Variants in ST3GAL1 observed in about 807,000 individuals in gnomAD.
ST3GAL1 encodes ST3 beta-galactoside alpha-2,3-sialyltransferase 1.
In ST3GAL1, 16 loss-of-function variants were observed where a neutral mutation model predicts 34.1. The ratio of observed to expected loss-of-function variants is 0.47; its 90% CI spans 0.32 to 0.71. ST3GAL1 has a LOEUF of 0.71. Among genes scored for constraint, ST3GAL1 ranks in the 30% least tolerant of loss-of-function variants. The probability of loss-of-function intolerance (pLI) is 0.04; values close to 1 mark genes in which losing one functional copy is unlikely to be tolerated. For missense variants in ST3GAL1, 353 were observed against 447.4 expected, an observed-to-expected ratio of 0.79 and a Z score of 1.90; for synonymous variants, 191 against 184.7, an observed-to-expected ratio of 1.03 and a Z score of -0.28.
rs555121167 is a variant in ST3GAL1, at chr8:133,490,392, C to T, written c.-374+8743G>A. On this transcript the variant is annotated intron_variant, in intron 3 of 9. Coordinates refer to ENST00000522652, the MANE Select transcript of ST3GAL1 (RefSeq NM_173344.3). Reference sequence around the variant, plus strand: ...CATGCGTATCTTCACTGCTAGATAGCGAAGCCGCACACTAGGCCGGCTCCA... The same window carrying T: ...CATGCGTATCTTCACTGCTAGATAGTGAAGCCGCACACTAGGCCGGCTCCA... Among the ~76,000 whole-genome samples, 11 of 152,308 alleles carry T rather than the reference C, an allele frequency of 7.2e-5. No individual in the cohort carries two copies. In the East Asian group the frequency reaches 7.7e-4, roughly 11 times the overall value.
At chr8:133,460,616 G>T (rs141047100) in intron 9 of ST3GAL1, among the ~76,000 whole-genome samples, 178 of 152,370 alleles carry the variant, frequency 1.2e-3, no homozygotes, top group Middle Eastern at 3.4e-3. Context: ...TCAGATGCCA[G>T]CTGGGCAGCT....
chr8:133,524,340 C>T (rs983506833), intron 2 of ST3GAL1, among the ~76,000 whole-genome samples: 5 of 152,320 alleles, frequency 3.3e-5, no homozygotes, highest in Non-Finnish European at 5.9e-5. Flanking sequence ...AGGCATTGTC[C>T]CCTAGAGACA....
At chr8:133,555,962 C>T (rs561040080) in intron 1 of ST3GAL1, among the ~76,000 whole-genome samples, 28 of 152,234 alleles carry the variant, frequency 1.8e-4, no homozygotes, top group Middle Eastern at 6.8e-3. Context: ...GGCACGGTCT[C>T]GGCTCACTGC....
At chr8:133,503,687 G>A (rs368290234) in intron 2 of ST3GAL1, among the ~76,000 whole-genome samples, 2 of 152,086 alleles carry the variant, frequency 1.3e-5, no homozygotes, top group Admixed American at 6.6e-5. Context: ...AGGCCTTATC[G>A]TTAACAAGGA....
rs143465666 is a variant in ST3GAL1 at position 133,472,855 on chromosome 8, GAA to G, written c.306+2862_306+2863del. ...AATATATTCAGCCTTAATTAGTACTGAAAAAAAAAAAAAACCCACCTAAGTTC... is the reference window on the plus strand; with the variant it reads ...AATATATTCAGCCTTAATTAGTACTGAAAAAAAAAAAACCCACCTAAGTTC... On this transcript the variant is annotated intron_variant, in intron 5 of 9. Coordinates refer to ENST00000522652, the MANE Select transcript of ST3GAL1 (RefSeq NM_173344.3). Among the ~76,000 whole-genome samples, 883 of 119,814 alleles carry G rather than the reference GAA, an allele frequency of 7.4e-3. 10 individuals are homozygous for G. Among genetic ancestry groups the G allele is most frequent in the African/African-American group, 0.025 (841 of 33,332 alleles). The allele number at this position is 119,814 out of a possible 152,430, so 78.6% of individuals were successfully genotyped here.
chr8:133,560,849 T>C (rs1819200142), intron 1 of ST3GAL1, among the ~76,000 whole-genome samples: 1 of 152,186 alleles, frequency 6.6e-6, no homozygotes, highest in Admixed American at 6.5e-5. Flanking sequence ...CTCTGAACCT[T>C]GGTTTCCACA....
At chr8:133,564,859 ACCT>A (rs1403213194) in intron 1 of ST3GAL1, among the ~76,000 whole-genome samples, 1 of 152,134 alleles carries the variant, frequency 6.6e-6, no homozygotes. Context: ...TAAGTAATAA[ACCT>A]CCAATTGAAA....
chr8:133,521,772 G>A (rs1162926475), intron 2 of ST3GAL1, among the ~76,000 whole-genome samples: 2 of 152,188 alleles, frequency 1.3e-5, no homozygotes, highest in Non-Finnish European at 2.9e-5. Context: ...CTACTACACT[G>A]TTAAATTGGA....
At position 133,570,645 on chromosome 8, in the gene ST3GAL1, G is replaced by A. The variant is rs1186245593; in HGVS notation, c.-582+1048C>T. Among the ~76,000 whole-genome samples, 6 of 152,202 alleles carry A rather than the reference G, an allele frequency of 3.9e-5. No individual in the cohort carries two copies. Among genetic ancestry groups the A allele is most frequent in the African/African-American group, 1.2e-4 (5 of 41,452 alleles). ...CGACGTCTCTGTGCCAAGCCGGGGCGCAAGCTCAACCCCCATCTCAAGTTC... is the reference window on the plus strand; with the variant it reads ...CGACGTCTCTGTGCCAAGCCGGGGCACAAGCTCAACCCCCATCTCAAGTTC... On this transcript the variant is annotated intron_variant, in intron 1 of 9. Coordinates refer to ENST00000522652, the MANE Select transcript of ST3GAL1 (RefSeq NM_173344.3). This position sits in a 1 kb window ranked among gnomAD's most constrained non-coding sequence, Gnocchi z 5.6.
intron 1 of ST3GAL1, among the ~76,000 whole-genome samples, chr8:133,546,440 G>A (rs1475282862): frequency 2.0e-5 from 3 of 148,188 alleles, no homozygotes; most frequent in African/African-American, 7.5e-5. Flanking sequence ...CCCAGATCGT[G>A]CCACTGCACT....
rs1228919212 is a variant in ST3GAL1 at position 133,467,216 on chromosome 8, G to A, written c.307-1126C>T. ...GGTTAAGGGGTTTCCCTAGATGCAGGACTCTCAGTGCTAAAACCAGGATGA... is the reference window on the plus strand; with the variant it reads ...GGTTAAGGGGTTTCCCTAGATGCAGAACTCTCAGTGCTAAAACCAGGATGA... On this transcript the variant is annotated intron_variant, in intron 5 of 9. Transcript: ENST00000522652. This position sits in a 1 kb window ranked among gnomAD's most constrained non-coding sequence, Gnocchi z 4.2. Among the ~76,000 whole-genome samples, 1 of 152,142 alleles carries A rather than the reference G, an allele frequency of 6.6e-6. No homozygotes were observed. The highest frequency in any genetic ancestry group is 1.9e-4 in the East Asian group (1 of 5,196).
intron 2 of ST3GAL1, among the ~76,000 whole-genome samples, chr8:133,519,022 C>T (rs1040769715): frequency 1.3e-5 from 2 of 152,008 alleles, no homozygotes; most frequent in African/African-American, 2.4e-5. Context: ...GAGGTGCAAA[C>T]GTCTGTCTAT....
chr8:133,466,124 C>A lies in ST3GAL1; in HGVS notation c.307-34G>T. Reference sequence around the variant, plus strand: ...GGAGGACAGAAGGTGGTCAACCTGGCTTTGTGGCTCCAGCCTCCTGGCAGC... The same window carrying A: ...GGAGGACAGAAGGTGGTCAACCTGGATTTGTGGCTCCAGCCTCCTGGCAGC... On this transcript the variant is annotated intron_variant, in intron 5 of 9. Coordinates refer to ENST00000522652, the MANE Select transcript of ST3GAL1 (RefSeq NM_173344.3). The surrounding 1 kb of genome is among the most constrained non-coding windows in gnomAD (Gnocchi z 4.4). The A allele has an allele frequency of 1.3e-6, 2 of 1,580,396 alleles. No individual in the cohort carries two copies. The highest frequency in any genetic ancestry group is 1.7e-5 in the Admixed American group (1 of 57,530).
Position 133,461,769 on chromosome 8 carries a change from G to A in ST3GAL1, c.849+106C>T. On this transcript the variant is annotated intron_variant, in intron 9 of 9. Transcript: ENST00000522652. This position sits in a 1 kb window ranked among gnomAD's most constrained non-coding sequence, Gnocchi z 4.7. The stretch of plus-strand genomic sequence containing the variant: ...TAGAGACAGGGAATCCGAGCTTCCG[G>A]AAGAGGCAGGCTAGGTCTACCTGCC... The A allele has an allele frequency of 1.3e-6, 2 of 1,507,772 alleles. No individual in the cohort carries two copies. Among genetic ancestry groups the A allele is most frequent in the Non-Finnish European group, 9.0e-7 (1 of 1,109,580 alleles). The allele number at this position is 1,507,772 out of a possible 1,614,324, so 93.4% of individuals were successfully genotyped here. A position where few individuals can be genotyped will look rare whatever the true frequency, so the allele number is the denominator to read the frequency against.
chr8:133,472,735 G>T (rs1161482752), intron 5 of ST3GAL1, among the ~76,000 whole-genome samples: 1 of 152,068 alleles, frequency 6.6e-6, no homozygotes, highest in Non-Finnish European at 1.5e-5. Flanking sequence ...GGCTGCCCTG[G>T]GATCAGCCAC....
intron 1 of ST3GAL1, among the ~76,000 whole-genome samples, chr8:133,558,090 C>T (rs1819111551): frequency 6.6e-6 from 1 of 152,168 alleles, no homozygotes; most frequent in African/African-American, 2.4e-5. Context: ...CCAGGAAGCG[C>T]TCTCTGGTTG....
chr8:133,466,230 C>T lies in ST3GAL1; in HGVS notation c.307-140G>A, dbSNP rs913435277. 17 of 778,442 alleles carry T rather than the reference C, an allele frequency of 2.2e-5. No homozygotes were observed. The highest frequency in any genetic ancestry group is 5.3e-5 in the African/African-American group (3 of 56,918). 48.2% of individuals were successfully genotyped at this position (778,442 alleles called of 1,614,324 possible). A position where few individuals can be genotyped will look rare whatever the true frequency, so the allele number is the denominator to read the frequency against. The stretch of plus-strand genomic sequence containing the variant: ...TCTGCTGGGCCCCCGGAGATGGAGG[C>T]GGCTCACACACAGACACCTCCACTT... On this transcript the variant is annotated intron_variant, in intron 5 of 9. Coordinates refer to ENST00000522652, the MANE Select transcript of ST3GAL1 (RefSeq NM_173344.3). This position sits in a 1 kb window ranked among gnomAD's most constrained non-coding sequence, Gnocchi z 4.4.
At chr8:133,530,800 G>A (rs760572974) in intron 2 of ST3GAL1, among the ~76,000 whole-genome samples, 2 of 152,214 alleles carry the variant, frequency 1.3e-5, no homozygotes, top group Non-Finnish European at 2.9e-5. Flanking sequence ...ACTTCCTGGG[G>A]CCAGCATCGT....
At chr8:133,563,691 A>G (rs1819310419) in intron 1 of ST3GAL1, among the ~76,000 whole-genome samples, 1 of 152,230 alleles carries the variant, frequency 6.6e-6, no homozygotes, top group Non-Finnish European at 1.5e-5. Context: ...AAGAGGGTGC[A>G]CATTTTGATT....
Sources: gnomAD v4.1 joint callset for allele counts (sites outside exome capture counted in the v4.1 genomes callset) on GRCh38, gnomAD v4.1.1 for gene constraint, Gnocchi (gnomAD v3.1) non-coding constraint, MANE v1.5 for transcripts, NCBI Gene and HGNC (gene_info 2026-07-23, HGNC 2026-07-21) for gene names.